The following GULP1 variants were observed in gnomAD, a reference collection of about 807,000 sequenced individuals.
GULP1 encodes GULP PTB domain containing engulfment adaptor 1, also known as PTB domain-containing engulfment adapter protein 1.
Under a neutral mutation model 40.9 loss-of-function variants are expected in GULP1, and 19 were observed. That is an observed-to-expected ratio of 0.46 (90% CI 0.32 to 0.68). The LOEUF (loss-of-function observed/expected upper bound fraction) is 0.68. Ranked by LOEUF, GULP1 falls within the 30% of genes least tolerant of loss-of-function variation. GULP1 has a pLI of 0.03. For missense variants in GULP1, 312 were observed against 362.2 expected (o/e 0.86, Z 1.12); for synonymous variants, 119 against 117.6 (o/e 1.01, Z -0.08).
intron 2 of GULP1, among the ~76,000 whole-genome samples, chr2:188,433,005 ATGGGT>A (rs1405113314): frequency 3.3e-5 from 5 of 152,166 alleles, no homozygotes; most frequent in African/African-American, 1.2e-4. Context: ...GGTCCAAAGA[ATGGGT>A]TTTATCTTGA....
intron 1 of GULP1, among the ~76,000 whole-genome samples, chr2:188,376,625 T>C (rs1012233869): frequency 5.9e-5 from 9 of 152,116 alleles, no homozygotes; most frequent in African/African-American, 2.2e-4. Context: ...AAGCATTCAA[T>C]AAACATATAA....
intron 2 of GULP1, among the ~76,000 whole-genome samples, chr2:188,419,208 GA>G (rs1484372972): frequency 1.3e-5 from 2 of 151,932 alleles, no homozygotes; most frequent in Non-Finnish European, 2.9e-5. Flanking sequence ...AATTATTTTG[GA>G]TAAATATCCA....
intron 1 of GULP1, among the ~76,000 whole-genome samples, chr2:188,307,006 C>G (rs2037207756): frequency 6.6e-6 from 1 of 152,142 alleles, no homozygotes; most frequent in Non-Finnish European, 1.5e-5. Context: ...AATCTGGATT[C>G]TAAGTTTTCT....
rs187828335 is a variant in GULP1 at position 188,479,963 on chromosome 2, C to T, written c.28+2233C>T. Among the ~76,000 whole-genome samples the T allele has an allele frequency of 1.7e-3, 266 of 152,140 alleles. 1 individual carries two copies. Among genetic ancestry groups the T allele is most frequent in the African/African-American group, 4.9e-3 (205 of 41,540 alleles). ...ATTTCTTTTGACTTCTCTTATTTTTCAGGTCTAATGATTTAGTATCATGAA... is the reference window on the plus strand; with the variant it reads ...ATTTCTTTTGACTTCTCTTATTTTTTAGGTCTAATGATTTAGTATCATGAA... On this transcript the variant is annotated intron_variant, in intron 3 of 11. Transcript: ENST00000409830.
rs978461807 is a variant in GULP1, at chr2:188,389,442, G to A, written c.-45+5553G>A. 2.6e-5 allele frequency among the ~76,000 whole-genome samples: 4 copies of A among 152,034 alleles called. No individual in the cohort carries two copies. The East Asian group carries it at 7.7e-4, about 29-fold the overall frequency. On this transcript the variant is annotated intron_variant, in intron 2 of 11. Coordinates refer to ENST00000409830, the MANE Select transcript of GULP1 (RefSeq NM_016315.4). ...ACCTGATTTCATTCATTACCACAAT[G>A]TATATAATTTAGCCTTACACTTTCC...
At chr2:188,331,530 A>C (rs1417062798) in intron 1 of GULP1, among the ~76,000 whole-genome samples, 1 of 152,224 alleles carries the variant, frequency 6.6e-6, no homozygotes, top group Non-Finnish European at 1.5e-5. Context: ...GATTATTTCA[A>C]TAGATCAGGG....
intron 9 of GULP1, among the ~76,000 whole-genome samples, chr2:188,579,539 C>T (rs1700855808): frequency 6.6e-6 from 1 of 151,964 alleles, no homozygotes; most frequent in African/African-American, 2.4e-5. Flanking sequence ...GTGTTGGGAA[C>T]AGCTAGTTCT....
At chr2:188,462,324 A>G (rs924698639) in intron 2 of GULP1, among the ~76,000 whole-genome samples, 2 of 152,076 alleles carry the variant, frequency 1.3e-5, no homozygotes, top group African/African-American at 2.4e-5. Flanking sequence ...ATGTTTTAAA[A>G]CTTGTTTTGT....
At chr2:188,324,770 A>G (rs781189268) in intron 1 of GULP1, among the ~76,000 whole-genome samples, 2 of 152,002 alleles carry the variant, frequency 1.3e-5, no homozygotes, top group South Asian at 2.1e-4. Context: ...GATTGACATT[A>G]CACTCTGAGT....
chr2:188,449,768 A>G (rs1278098239), intron 2 of GULP1, among the ~76,000 whole-genome samples: 2 of 152,258 alleles, frequency 1.3e-5, no homozygotes, highest in African/African-American at 2.4e-5. Flanking sequence ...AAAAGATTGT[A>G]TGAGATTATG....
At chr2:188,558,098 T>C (rs978842058) in intron 7 of GULP1, among the ~76,000 whole-genome samples, 1 of 152,174 alleles carries the variant, frequency 6.6e-6, no homozygotes, top group Non-Finnish European at 1.5e-5. Flanking sequence ...CTTGTGAAAA[T>C]TTCTGCAGCC....
At chr2:188,438,551 G>T (rs544606076) in intron 2 of GULP1, among the ~76,000 whole-genome samples, 47 of 150,804 alleles carry the variant, frequency 3.1e-4, no homozygotes, top group African/African-American at 1.0e-3. Flanking sequence ...TAATAATTTT[G>T]TTTTTTTCTG....
chr2:188,380,544 G>A (rs1167664789), intron 1 of GULP1, among the ~76,000 whole-genome samples: 1 of 151,870 alleles, frequency 6.6e-6, no homozygotes, highest in South Asian at 2.1e-4. Flanking sequence ...AAAGTCACAG[G>A]ACAAACAAGA....
At chr2:188,348,247 A>C (rs1296961239) in intron 1 of GULP1, among the ~76,000 whole-genome samples, 1 of 152,262 alleles carries the variant, frequency 6.6e-6, no homozygotes, top group African/African-American at 2.4e-5. Context: ...AAAATTCTAA[A>C]CACATTGTTG....
At chr2:188,406,361 A>G (rs773583296) in intron 2 of GULP1, among the ~76,000 whole-genome samples, 1 of 152,166 alleles carries the variant, frequency 6.6e-6, no homozygotes, top group South Asian at 2.1e-4. Flanking sequence ...CAGGACCACC[A>G]TCATGTATTT....
intron 2 of GULP1, among the ~76,000 whole-genome samples, chr2:188,463,436 G>A (rs575185247): frequency 6.6e-6 from 1 of 152,116 alleles, no homozygotes; most frequent in East Asian, 1.9e-4. Flanking sequence ...GCTGCTTTTA[G>A]CACCCTTTCT....
intron 6 of GULP1, among the ~76,000 whole-genome samples, chr2:188,540,436 A>ATATG (rs386392111): frequency 0.062 from 9,203 of 149,600 alleles, 710 homozygotes; most frequent in African/African-American, 0.17. Flanking sequence ...ATAATTTAAT[A>ATATG]TGTGTGTGTG....
chr2:188,463,730 A>G (rs1222449354), intron 2 of GULP1, among the ~76,000 whole-genome samples: 1 of 151,626 alleles, frequency 6.6e-6, no homozygotes, highest in Admixed American at 6.6e-5. Context: ...TGTGCTTCCA[A>G]ATAGCCTGTC....
intron 7 of GULP1, among the ~76,000 whole-genome samples, chr2:188,552,184 T>A (rs1028250741): frequency 4.0e-5 from 6 of 151,386 alleles, no homozygotes; most frequent in African/African-American, 1.5e-4. Flanking sequence ...TTAAGTACCA[T>A]TTGTCCATTT....
Sources: gnomAD v4.1 joint callset for allele counts (sites outside exome capture counted in the v4.1 genomes callset) on GRCh38, gnomAD v4.1.1 for gene constraint, MANE v1.5 for transcripts, NCBI Gene and HGNC (gene_info 2026-07-23, HGNC 2026-07-21) for gene names.